The following DPYSL2 variants were observed in gnomAD, a reference collection of about 807,000 sequenced individuals.
The protein encoded by DPYSL2 is dihydropyrimidinase-related protein 2.
DPYSL2 carries 13 observed loss-of-function variants against 69.9 expected under a neutral mutation model. That is an observed-to-expected ratio of 0.19 (90% CI 0.12 to 0.30). The LOEUF is 0.30. DPYSL2 is among the 10% of genes least tolerant of loss of function. The pLI is 1.00. For missense variants in DPYSL2, 587 were observed against 918.9 expected (o/e 0.64, Z 4.67); for synonymous variants, 326 against 359.1 (o/e 0.91, Z 1.04).
At position 26,643,376 on chromosome 8, in the gene DPYSL2, A is replaced by G; in HGVS notation, c.1127-63A>G. The G allele has an allele frequency of 2.0e-6, 3 of 1,515,786 alleles. No homozygotes were observed. Among genetic ancestry groups the G allele is most frequent in the South Asian group, 2.7e-5 (2 of 75,448 alleles). 93.9% of individuals were successfully genotyped at this position (1,515,786 alleles called of 1,614,324 possible). Reference sequence around the variant, plus strand: ...GCTGCTGGGCAGGCAGTGGCTCCTCATAGGGGTGGTTCCCTTCCCCCTGCA... The same window carrying G: ...GCTGCTGGGCAGGCAGTGGCTCCTCGTAGGGGTGGTTCCCTTCCCCCTGCA... On this transcript the variant is annotated intron_variant, in intron 8 of 13. Coordinates refer to ENST00000521913, the MANE Select transcript of DPYSL2 (RefSeq NM_001197293.3). This position sits in a 1 kb window ranked among gnomAD's most constrained non-coding sequence, Gnocchi z 6.5.
chr8:26,633,222 T>C (rs1420265665), intron 7 of DPYSL2, among the ~76,000 whole-genome samples: 3 of 152,328 alleles, frequency 2.0e-5, no homozygotes, highest in East Asian at 3.9e-4. Context: ...GGGCAGGGCA[T>C]GGAAGATACT....
intron 1 of DPYSL2, among the ~76,000 whole-genome samples, chr8:26,567,280 C>CCCATCCATCCATCCAT (rs143811544): frequency 0.034 from 5,020 of 149,240 alleles, 133 homozygotes; most frequent in African/African-American, 0.061. Context: ...TATCCACCTA[C>CCCATCCATCCATCCAT]CCATCCATCC....
At chr8:26,561,441 G>T (rs1394719374) in intron 1 of DPYSL2, among the ~76,000 whole-genome samples, 1 of 152,004 alleles carries the variant, frequency 6.6e-6, no homozygotes, top group African/African-American at 2.4e-5. Context: ...CTTCTCACTT[G>T]AGTGCCTTAT....
rs1329009593 is a variant in DPYSL2 at position 26,565,526 on chromosome 8, T to C, written c.355-16443T>C. On this transcript the variant is annotated intron_variant, in intron 1 of 13. Transcript: ENST00000521913. The surrounding 1 kb of genome is among the most constrained non-coding windows in gnomAD (Gnocchi z 4.1). ...GGGCTCAGATAGCCCTTGGAGTGAA[T>C]GGCTAAAGATAAGGGCAGGCCAAGG... Among the ~76,000 whole-genome samples the C allele has an allele frequency of 2.0e-5, 3 of 152,090 alleles. No individual in the cohort carries two copies. The highest frequency in any genetic ancestry group is 4.4e-5 in the Non-Finnish European group (3 of 68,016).
At chr8:26,602,617 C>G (rs1344503540) in intron 3 of DPYSL2, among the ~76,000 whole-genome samples, 1 of 152,146 alleles carries the variant, frequency 6.6e-6, no homozygotes, top group East Asian at 1.9e-4. Flanking sequence ...CTAAGAAAAC[C>G]CTGTTCGTTT....
chr8:26,539,192 C>A (rs538835170), intron 1 of DPYSL2, among the ~76,000 whole-genome samples: 1 of 152,302 alleles, frequency 6.6e-6, no homozygotes, highest in African/African-American at 2.4e-5. Flanking sequence ...GGAATATTAA[C>A]TAAAATGCAC....
In DPYSL2 at chr8:26,621,291, A is replaced by G. The variant is rs1472178437; in HGVS notation, c.629-2852A>G. ...TGTATTTTTGAAATTTTCTACTCAA[A>G]GAATCATATCATCAGAAAAAAATTA... On this transcript the variant is annotated intron_variant, in intron 3 of 13. Transcript: ENST00000521913. This position sits in a 1 kb window ranked among gnomAD's most constrained non-coding sequence, Gnocchi z 4.9. 6.6e-6 allele frequency among the ~76,000 whole-genome samples: 1 copy of G among 152,204 alleles called. No individual in the cohort carries two copies. The highest frequency in any genetic ancestry group is 1.5e-5 in the Non-Finnish European group (1 of 68,026).
rs1585525629 is a variant in DPYSL2, at chr8:26,585,225, A to G, written c.628+1242A>G. 6.6e-6 allele frequency among the ~76,000 whole-genome samples: 1 copy of G among 152,196 alleles called. No homozygotes were observed. The highest frequency in any genetic ancestry group is 1.9e-4 in the East Asian group (1 of 5,198). Reference sequence around the variant, plus strand: ...AGAACTTAGCTGTTTCTGCTATAGAAAAACCTTTCTTACTGGTTATTTTTC... The same window carrying G: ...AGAACTTAGCTGTTTCTGCTATAGAGAAACCTTTCTTACTGGTTATTTTTC... On this transcript the variant is annotated intron_variant, in intron 3 of 13. Coordinates refer to ENST00000521913, the MANE Select transcript of DPYSL2 (RefSeq NM_001197293.3). This position sits in a 1 kb window ranked among gnomAD's most constrained non-coding sequence, Gnocchi z 4.0.
chr8:26,584,714 G>A (rs1000734280), intron 3 of DPYSL2, among the ~76,000 whole-genome samples: 2 of 145,870 alleles, frequency 1.4e-5, no homozygotes, highest in Non-Finnish European at 3.0e-5. Flanking sequence ...CTGCCTCCCC[G>A]GTTCAAGTGA....
In DPYSL2 at chr8:26,598,551, C is replaced by A. The variant is rs1190340510; in HGVS notation, c.628+14568C>A. ...GCCAGCAGAAAGCACCAGGAGACAC[C>A]CGATGTGCCCCCACCTTGGTGAGCA... On this transcript the variant is annotated intron_variant, in intron 3 of 13. Coordinates refer to ENST00000521913, the MANE Select transcript of DPYSL2 (RefSeq NM_001197293.3). This position sits in a 1 kb window ranked among gnomAD's most constrained non-coding sequence, Gnocchi z 4.2. Among the ~76,000 whole-genome samples, 1 of 152,228 alleles carries A rather than the reference C, an allele frequency of 6.6e-6. No individual in the cohort carries two copies. Among genetic ancestry groups the A allele is most frequent in the Non-Finnish European group, 1.5e-5 (1 of 68,040 alleles).
rs905969260 is a variant in DPYSL2 at position 26,609,261 on chromosome 8, CAGTA to C, written c.629-14879_629-14876del. On this transcript the variant is annotated intron_variant, in intron 3 of 13. Transcript: ENST00000521913. The surrounding 1 kb of genome is among the most constrained non-coding windows in gnomAD (Gnocchi z 6.5). ...AATCATGGGGTTTGTGTGTAGAACT[CAGTA>C]AGAAGTAATCATGACCCTGTCCGTT... 1.6e-4 allele frequency among the ~76,000 whole-genome samples: 25 copies of C among 152,160 alleles called. No homozygotes were observed. Among genetic ancestry groups the C allele is most frequent in the African/African-American group, 5.3e-4 (22 of 41,424 alleles).
intron 1 of DPYSL2, among the ~76,000 whole-genome samples, chr8:26,520,187 C>T (rs1444300299): frequency 6.6e-6 from 1 of 152,186 alleles, no homozygotes; most frequent in Non-Finnish European, 1.5e-5. Flanking sequence ...CACCATCTGC[C>T]ATGATTGTGA....
rs538153718 is a variant in DPYSL2 at position 26,572,855 on chromosome 8, T to C, written c.355-9114T>C. Among the ~76,000 whole-genome samples the C allele has an allele frequency of 1.4e-4, 21 of 152,240 alleles. No individual in the cohort carries two copies. In the South Asian group the frequency reaches 4.1e-3, roughly 30 times the overall value. On this transcript the variant is annotated intron_variant, in intron 1 of 13. Transcript: ENST00000521913. ...CTTCCCTGTGAGCTCAAACCTTGAATGGAAGAAAAATCACACTCACCTAGT... is the reference window on the plus strand; with the variant it reads ...CTTCCCTGTGAGCTCAAACCTTGAACGGAAGAAAAATCACACTCACCTAGT...
At position 26,588,845 on chromosome 8, in the gene DPYSL2, A is replaced by C. The variant is rs1334459912; in HGVS notation, c.628+4862A>C. On this transcript the variant is annotated intron_variant, in intron 3 of 13. Coordinates refer to ENST00000521913, the MANE Select transcript of DPYSL2 (RefSeq NM_001197293.3). The surrounding 1 kb of genome is among the most constrained non-coding windows in gnomAD (Gnocchi z 5.4). The stretch of plus-strand genomic sequence containing the variant: ...TGGAGGTTGTGCTGGCGGTATCTGC[A>C]GAGTCATCCTAGCATCTTCATGTCC... 1.3e-5 allele frequency among the ~76,000 whole-genome samples: 2 copies of C among 152,110 alleles called. No homozygotes were observed. Among genetic ancestry groups the C allele is most frequent in the African/African-American group, 4.8e-5 (2 of 41,418 alleles).
At chr8:26,561,792 C>T (rs559763718) in intron 1 of DPYSL2, among the ~76,000 whole-genome samples, 43 of 152,242 alleles carry the variant, frequency 2.8e-4, no homozygotes, top group African/African-American at 5.3e-4. Context: ...CAGTAGGGTT[C>T]GAGCTCCTAT....
At chr8:26,519,338 A>G (rs75588213) in intron 1 of DPYSL2, among the ~76,000 whole-genome samples, 1,578 of 152,338 alleles carry the variant, frequency 0.01, 45 homozygotes, top group East Asian at 0.073. Flanking sequence ...AGAAGTGAAG[A>G]AAGTGATGTC....
At position 26,514,220 on chromosome 8, in the gene DPYSL2, C is replaced by A. The variant is rs933330552; in HGVS notation, c.-106C>A. On this transcript the variant is annotated 5_prime_UTR_variant, in exon 1 of 14. Transcript: ENST00000521913. The surrounding 1 kb of genome is among the most constrained non-coding windows in gnomAD (Gnocchi z 8.4). ...TGTGCACCTTGCGGTGGGCGGCGAA[C>A]GGCAGCCGCGGCAGCAGCTAGGGGG... 3.0e-5 allele frequency: 31 copies of A among 1,045,620 alleles called. No individual in the cohort carries two copies. Among genetic ancestry groups the A allele is most frequent in the Non-Finnish European group, 3.7e-5 (29 of 781,176 alleles). 64.8% of individuals were successfully genotyped at this position (1,045,620 alleles called of 1,614,324 possible). A position where few individuals can be genotyped will look rare whatever the true frequency, so the allele number is the denominator to read the frequency against.
chr8:26,577,991 C>A, intron 1 of DPYSL2: 4 of 1,297,360 alleles, frequency 3.1e-6, no homozygotes, highest in Non-Finnish European at 3.9e-6. Flanking sequence ...TTCTCTCTCT[C>A]CTTCTCTCTC....
chr8:26,613,888 T>G (rs1802289867), intron 3 of DPYSL2, among the ~76,000 whole-genome samples: 1 of 152,094 alleles, frequency 6.6e-6, no homozygotes, highest in East Asian at 1.9e-4. Context: ...CCCCAGCACT[T>G]TGGGAGGCCA....
Sources: allele counts gnomAD v4.1 joint callset (sites outside exome capture counted in the v4.1 genomes callset), GRCh38; gene constraint gnomAD v4.1.1; non-coding constraint Gnocchi (gnomAD v3.1); transcripts MANE v1.5; gene names NCBI Gene and HGNC (gene_info 2026-07-23, HGNC 2026-07-21).